SRGAP3: variants seen among roughly 807,000 people sequenced by gnomAD.
SRGAP3 encodes SLIT-ROBO Rho GTPase activating protein 3.
Under a neutral mutation model 121.1 loss-of-function variants are expected in SRGAP3, and 39 were observed. The ratio of observed to expected loss-of-function variants is 0.32; its 90% CI spans 0.25 to 0.42. SRGAP3 has a LOEUF of 0.42. SRGAP3 is among the 10% of genes least tolerant of loss of function. The pLI is 1.00. For synonymous variants in SRGAP3, 601 were observed against 570.0 expected (o/e 1.05, Z -0.77); for missense variants, 1,213 against 1,470.6 (o/e 0.82, Z 2.86).
intron 1 of SRGAP3, among the ~76,000 whole-genome samples, chr3:9,246,386 G>A (rs1953825268): frequency 6.6e-6 from 1 of 152,184 alleles, no homozygotes; most frequent in African/African-American, 2.4e-5. Flanking sequence ...AAGGCAACGG[G>A]ATGAAAGTAA....
intron 1 of SRGAP3, among the ~76,000 whole-genome samples, chr3:9,129,112 G>C (rs941332519): frequency 1.1e-4 from 16 of 152,088 alleles, no homozygotes; most frequent in African/African-American, 3.9e-4. Flanking sequence ...AAAATTTTTT[G>C]TAGAGACAGG....
chr3:9,038,319 T>C (rs1014785050), intron 10 of SRGAP3, among the ~76,000 whole-genome samples: 20 of 152,238 alleles, frequency 1.3e-4, no homozygotes, highest in Admixed American at 1.3e-3. Context: ...TTCACAGACA[T>C]ATTTTCAGTG....
chr3:9,018,471 C>T (rs898564888), intron 14 of SRGAP3, among the ~76,000 whole-genome samples: 1 of 152,120 alleles, frequency 6.6e-6, no homozygotes, highest in African/African-American at 2.4e-5. Flanking sequence ...CATTCCCACC[C>T]ACAGTATATA....
chr3:9,177,406 T>C (rs1951216898), intron 1 of SRGAP3, among the ~76,000 whole-genome samples: 1 of 152,098 alleles, frequency 6.6e-6, no homozygotes, highest in Non-Finnish European at 1.5e-5. Flanking sequence ...GAAGGAGGAA[T>C]GGTGAGTACA....
rs568978211 is a variant in SRGAP3 at position 9,128,099 on chromosome 3, T to C, written c.68-3182A>G. On this transcript the variant is annotated intron_variant, in intron 1 of 21. Transcript: ENST00000383836. ...GAATAAAGTCTCAGGCCCCAGCCCATACCATCCAAATCAGAATCTGCATTT... is the reference window on the plus strand; with the variant it reads ...GAATAAAGTCTCAGGCCCCAGCCCACACCATCCAAATCAGAATCTGCATTT... Among the ~76,000 whole-genome samples the C allele has an allele frequency of 9.2e-5, 14 of 152,056 alleles. 1 individual carries two copies. Among genetic ancestry groups the C allele is most frequent in the African/African-American group, 3.1e-4 (13 of 41,474 alleles).
intron 3 of SRGAP3, among the ~76,000 whole-genome samples, chr3:9,311,136 C>G (rs1001037979): frequency 6.6e-6 from 1 of 151,072 alleles, no homozygotes; most frequent in African/African-American, 2.4e-5. Context: ...CGTCACTGCA[C>G]TCCAGCCTGG....
intron 3 of SRGAP3, among the ~76,000 whole-genome samples, chr3:9,291,980 C>T (rs907808051): frequency 6.6e-6 from 1 of 152,104 alleles, no homozygotes; most frequent in Non-Finnish European, 1.5e-5. Context: ...GTGGCTGTTT[C>T]TCATTAAAGC....
At chr3:9,013,864 C>T in intron 15 of SRGAP3, 22 bp from the exon 16 acceptor site, 1 of 1,608,324 alleles carries the variant, frequency 6.2e-7, no homozygotes. Flanking sequence ...AGGGGCCTTT[C>T]AGCGTGCCTT....
intron 3 of SRGAP3, among the ~76,000 whole-genome samples, chr3:9,281,646 C>T (rs551159876): frequency 6.6e-5 from 10 of 152,154 alleles, no homozygotes; most frequent in African/African-American, 2.2e-4. Context: ...GCGCACAATA[C>T]GCGCCCCAAT....
intron 1 of SRGAP3, among the ~76,000 whole-genome samples, chr3:9,345,800 A>AAAAAG (rs1559286691): frequency 7.9e-5 from 12 of 151,514 alleles, no homozygotes; most frequent in African/African-American, 1.7e-4. Flanking sequence ...AAAAAAAAAA[A>AAAAAG]AAAAGAAAAG....
chr3:9,086,377 T>A (rs1419889835), intron 3 of SRGAP3, among the ~76,000 whole-genome samples: 1 of 151,818 alleles, frequency 6.6e-6, no homozygotes, highest in Admixed American at 6.6e-5. Context: ...ATACAAAAAA[T>A]TAGCCAAGTG....
chr3:9,045,417 T>C (rs150242897), intron 10 of SRGAP3, among the ~76,000 whole-genome samples: 1 of 152,068 alleles, frequency 6.6e-6, no homozygotes, highest in Non-Finnish European at 1.5e-5. Flanking sequence ...GAGAGACTGG[T>C]AGAGCAATCT....
chr3:9,152,472 A>G (rs2543499), intron 1 of SRGAP3, among the ~76,000 whole-genome samples: 117,369 of 152,178 alleles, frequency 0.77, 45,588 homozygotes, highest in African/African-American at 0.86. Flanking sequence ...TGATAGGTAC[A>G]AGCCCTAAAG....
At chr3:9,282,735 G>A (rs924804464) in intron 3 of SRGAP3, among the ~76,000 whole-genome samples, 2 of 152,074 alleles carry the variant, frequency 1.3e-5, no homozygotes, top group Non-Finnish European at 2.9e-5. Context: ...GCCCACCTCA[G>A]CCTCCCAAAG....
chr3:9,118,573 C>T (rs1948887610), intron 2 of SRGAP3, among the ~76,000 whole-genome samples: 1 of 152,152 alleles, frequency 6.6e-6, no homozygotes, highest in South Asian at 2.1e-4. Context: ...GAGGGAAGGC[C>T]AGCACAGCCC....
chr3:9,170,916 G>A (rs982459879), intron 1 of SRGAP3, among the ~76,000 whole-genome samples: 1 of 152,210 alleles, frequency 6.6e-6, no homozygotes, highest in Admixed American at 6.5e-5. Flanking sequence ...GTGTCCTCAC[G>A]CTCCAGCCTG....
chr3:9,258,200 T>G (rs1212598081), intron 3 of SRGAP3, among the ~76,000 whole-genome samples: 1 of 152,132 alleles, frequency 6.6e-6, no homozygotes, highest in East Asian at 1.9e-4. Context: ...TGACCTAGAC[T>G]TGGAAACACA....
chr3:8,987,419 T>TAA (rs35968802), intron 21 of SRGAP3, among the ~76,000 whole-genome samples: 73 of 151,854 alleles, frequency 4.8e-4, no homozygotes, highest in Middle Eastern at 3.4e-3. Flanking sequence ...TTGCAAATCC[T>TAA]AAAAAAAATA....
At chr3:9,191,555 G>A (rs1951753646) in intron 1 of SRGAP3, among the ~76,000 whole-genome samples, 1 of 152,230 alleles carries the variant, frequency 6.6e-6, no homozygotes. Flanking sequence ...CAGGATGAGT[G>A]AGAGCTCTCC....
Sources: gnomAD v4.1 joint callset for allele counts (sites outside exome capture counted in the v4.1 genomes callset) on GRCh38, gnomAD v4.1.1 for gene constraint, MANE v1.5 for transcripts, NCBI Gene and HGNC (gene_info 2026-07-23, HGNC 2026-07-21) for gene names.